The following CCDC136 variants were observed in gnomAD, a reference collection of about 807,000 sequenced individuals.
CCDC136 encodes coiled-coil domain containing 136, also known as coiled-coil domain-containing protein 136.
CCDC136 carries 100 observed loss-of-function variants against 141.2 expected under a neutral mutation model. That is an observed-to-expected ratio of 0.71 (90% CI 0.60 to 0.84). The LOEUF is 0.84. Ranked by LOEUF, CCDC136 falls within the 40% of genes least tolerant of loss-of-function variation. The pLI is 0.00. For synonymous variants in CCDC136, 474 were observed against 531.9 expected (o/e 0.89, Z 1.50); for missense variants, 1,206 against 1,379.4 (o/e 0.87, Z 1.99).
intron 14 of CCDC136, among the ~76,000 whole-genome samples, chr7:128,814,394 G>A (rs897783414): frequency 5.9e-5 from 9 of 152,116 alleles, no homozygotes; most frequent in South Asian, 2.1e-4. Context: ...GCGCCCTGCC[G>A]TTTTTTTCAT....
intron 17 of CCDC136, among the ~76,000 whole-genome samples, chr7:128,818,910 G>A (rs770393892): frequency 4.6e-5 from 7 of 152,192 alleles, no homozygotes; most frequent in Admixed American, 3.9e-4. Context: ...TGAACGGAAT[G>A]TAGCTTAATG....
chr7:128,794,696 C>A lies in CCDC136; in HGVS notation c.274C>A (p.Leu92Ile). Residue 92 changes from leucine to isoleucine, a missense_variant and splice_region_variant, in exon 3 of 18, where the codon CTC (leucine) becomes ATC (isoleucine). Transcript: ENST00000297788. The surrounding 1 kb of genome is among the most constrained non-coding windows in gnomAD (Gnocchi z 4.3). Reference sequence around the variant, plus strand: ...CACTGGTGCCCCTCTCCCTGCAGGGCTCCTGGAGGATGAACGGCTAGCCAG... The same window carrying A: ...CACTGGTGCCCCTCTCCCTGCAGGGATCCTGGAGGATGAACGGCTAGCCAG... ...HEDDSLELQG[L>I]LEDERLASAQ... 6.4e-7 allele frequency: 1 copy of A among 1,551,502 alleles called. No individual in the cohort carries two copies. Among genetic ancestry groups the A allele is most frequent in the Non-Finnish European group, 8.7e-7 (1 of 1,146,850 alleles).
chr7:128,795,124 A>G (rs1802751122), intron 3 of CCDC136, among the ~76,000 whole-genome samples: 1 of 152,050 alleles, frequency 6.6e-6, no homozygotes, highest in African/African-American at 2.4e-5. Context: ...TGGGTGATCC[A>G]AGTTGAATTC....
intron 8 of CCDC136, 139 bp downstream of exon 8, chr7:128,806,534 C>A: frequency 9.4e-7 from 1 of 1,065,944 alleles, no homozygotes; most frequent in Non-Finnish European, 1.3e-6. Context: ...AGAACTCCAG[C>A]CCTGCTCGAG....
chr7:128,816,042 C>T (rs946623058), intron 16 of CCDC136, 111 bp downstream of exon 16: 48 of 1,080,182 alleles, frequency 4.4e-5, no homozygotes, highest in African/African-American at 6.4e-5. Flanking sequence ...GTGGAGGCCT[C>T]GCGCTCTAAG....
Position 128,808,130 on chromosome 7 carries a change from G to A in CCDC136, c.1605+585G>A, listed in dbSNP as rs1805152192. ...CAGCTCACTGCAGCCTCCGCCTCCT[G>A]GGTTCAAGCAATTCTCCTATCTCAG... is the stretch of plus-strand genomic sequence containing the variant. On this transcript the variant is annotated intron_variant, in intron 10 of 17. Coordinates refer to ENST00000297788, the MANE Select transcript of CCDC136 (RefSeq NM_022742.5). Among the ~76,000 whole-genome samples the A allele has an allele frequency of 2.6e-5, 4 of 152,298 alleles. No individual in the cohort carries two copies. The South Asian group carries it at 8.3e-4, about 32-fold the overall frequency.
chr7:128,795,475 G>A (rs1286130837), intron 3 of CCDC136, among the ~76,000 whole-genome samples: 1 of 151,870 alleles, frequency 6.6e-6, no homozygotes, highest in Non-Finnish European at 1.5e-5. Flanking sequence ...CAAAAGAAAA[G>A]TATAAATGGA....
chr7:128,819,558 G>A (rs527813452), intron 17 of CCDC136, among the ~76,000 whole-genome samples: 5 of 152,026 alleles, frequency 3.3e-5, no homozygotes, highest in African/African-American at 4.8e-5. Context: ...AAAAGAGCAC[G>A]CACTTACAAA....
At position 128,794,295 on chromosome 7, in the gene CCDC136, C is replaced by T. The variant is rs751657355; in HGVS notation, c.17-53C>T. On this transcript the variant is annotated intron_variant, in intron 1 of 17. Coordinates refer to ENST00000297788, the MANE Select transcript of CCDC136 (RefSeq NM_022742.5). This position sits in a 1 kb window ranked among gnomAD's most constrained non-coding sequence, Gnocchi z 4.3. ...AGTGAGTTTGAGGGCCCTGGAAGGA[C>T]GGCAGAAAGGAAGTTGATGCTGACT... The T allele has an allele frequency of 6.4e-5, 100 of 1,550,714 alleles. 1 individual carries two copies. The highest frequency in any genetic ancestry group is 2.7e-4 in the East Asian group (11 of 40,936).
intron 16 of CCDC136, among the ~76,000 whole-genome samples, 176 bp downstream of exon 16, chr7:128,816,107 C>T (rs1562977697): frequency 6.6e-6 from 1 of 152,248 alleles, no homozygotes; most frequent in Non-Finnish European, 1.5e-5. Flanking sequence ...AGCAGTCTGT[C>T]TGCACGAAAT....
At chr7:128,791,314 C>A (rs1285170453), upstream of CCDC136, 1 of 359,206 alleles carries the variant, frequency 2.8e-6, no homozygotes, top group Non-Finnish European at 4.9e-6. The surrounding 1 kb of genome is among the most constrained non-coding windows in gnomAD (Gnocchi z 7.1). Context: ...GGGCTCGGAG[C>A]TCCCGAGTGC....
At chr7:128,799,693 G>T (rs546538686) in intron 3 of CCDC136, among the ~76,000 whole-genome samples, 85 of 152,234 alleles carry the variant, frequency 5.6e-4, no homozygotes, top group African/African-American at 2.0e-3. Flanking sequence ...CATCTGAGTG[G>T]TGAGTAGAAT....
chr7:128,812,512 G>A (rs1468992729), intron 13 of CCDC136, among the ~76,000 whole-genome samples, 196 bp from the exon 14 acceptor site: 2 of 152,018 alleles, frequency 1.3e-5, no homozygotes, highest in East Asian at 3.9e-4. Context: ...TCCCCCATCT[G>A]GACAGAGGCC....
chr7:128,803,250 T>C (rs56775139), intron 4 of CCDC136, among the ~76,000 whole-genome samples: 48,920 of 152,102 alleles, frequency 0.32, 11,218 homozygotes, highest in African/African-American at 0.64. Flanking sequence ...TAATGATCCT[T>C]CTACCTTGGC....
intron 15 of CCDC136, among the ~76,000 whole-genome samples, chr7:128,815,178 C>A (rs184542971): frequency 1.1e-3 from 170 of 152,296 alleles, no homozygotes; most frequent in African/African-American, 3.9e-3. Context: ...CTGGACAACT[C>A]CTTCAGTTTG....
Position 128,819,835 on chromosome 7 carries a change from A to G in CCDC136, c.*6-1964A>G, listed in dbSNP as rs545995658. On this transcript the variant is annotated intron_variant, in intron 17 of 17. Transcript: ENST00000297788. ...CTCTTCATTGGTCCCAAGTAGGAAG[A>G]CACCATACTTGTGTTTAGGCAACCT... 1.1e-3 allele frequency among the ~76,000 whole-genome samples: 166 copies of G among 152,304 alleles called. 2 individuals are homozygous for G. The highest frequency in any genetic ancestry group is 3.6e-3 in the African/African-American group (151 of 41,556).
At chr7:128,791,549 C>T (rs1452746722), upstream of CCDC136, 6 of 1,265,844 alleles carry the variant, frequency 4.7e-6, no homozygotes, top group Non-Finnish European at 6.0e-6. The surrounding 1 kb of genome is among the most constrained non-coding windows in gnomAD (Gnocchi z 7.1). Flanking sequence ...TGCCCGGGCC[C>T]AGGTCAGAGC....
intron 4 of CCDC136, among the ~76,000 whole-genome samples, chr7:128,803,762 G>A (rs907038309): frequency 6.6e-6 from 1 of 151,990 alleles, no homozygotes; most frequent in Non-Finnish European, 1.5e-5. Context: ...GATGATATGT[G>A]AGTCTGGTTA....
rs781201580 is a variant in CCDC136, at chr7:128,801,245, C to T, written c.406C>T (p.Leu136Phe). The change falls in exon 4 of 18, where the codon CTT becomes TTT. Residue 136 changes from leucine to phenylalanine, a missense_variant. By Grantham distance (22) the Leu-to-Phe change is conservative. Coordinates refer to ENST00000297788, the MANE Select transcript of CCDC136 (RefSeq NM_022742.5). ...GTTAGAGCATGAGAAAGAAAGCGAA[C>T]TTAAGGAAATAGAACAGGAATTGCA... The part of the protein sequence containing the change: ...SLLEHEKESE[L>F]KEIEQELHLA... 59 of 1,613,786 alleles carry T rather than the reference C, an allele frequency of 3.7e-5. No individual in the cohort carries two copies. Among genetic ancestry groups the T allele is most frequent in the Non-Finnish European group, 4.7e-5 (55 of 1,179,880 alleles).
Sources: gnomAD v4.1 joint callset for allele counts (sites outside exome capture counted in the v4.1 genomes callset) on GRCh38, gnomAD v4.1.1 for gene constraint, Gnocchi (gnomAD v3.1) non-coding constraint, MANE v1.5 for transcripts, NCBI Gene and HGNC (gene_info 2026-07-23, HGNC 2026-07-21) for gene names.